DNAH6: variants seen among roughly 807,000 people sequenced by gnomAD.
The protein encoded by DNAH6 is axonemal beta dynein heavy chain 6.
DNAH6 carries 340 observed loss-of-function variants against 491.4 expected under a neutral mutation model. The ratio of observed to expected loss-of-function variants is 0.69; its 90% CI spans 0.63 to 0.76. The LOEUF (loss-of-function observed/expected upper bound fraction) is 0.76. Among genes scored for constraint, DNAH6 ranks in the 30% least tolerant of loss-of-function variants. The pLI, the probability that DNAH6 is intolerant of heterozygous loss-of-function variation, is 0.00. For missense variants in DNAH6, 4,443 were observed against 4,972.2 expected, an observed-to-expected ratio of 0.89 and a Z score of 3.20; for synonymous variants, 1,603 against 1,686.1, an observed-to-expected ratio of 0.95 and a Z score of 1.21.
chr2:84,516,841 G>A (rs960800731), intron 1 of DNAH6, among the ~76,000 whole-genome samples: 3 of 152,148 alleles, frequency 2.0e-5, no homozygotes, highest in Non-Finnish European at 4.4e-5. Context: ...TTTAGACCTC[G>A]TGTGGCTAGT....
intron 33 of DNAH6, among the ~76,000 whole-genome samples, chr2:84,647,408 A>G (rs1211116786): frequency 6.6e-6 from 1 of 152,214 alleles, no homozygotes; most frequent in African/African-American, 2.4e-5. Context: ...TTAGAAGATG[A>G]TGCCATATAG....
chr2:84,794,546 A>T (rs886956208), intron 68 of DNAH6, among the ~76,000 whole-genome samples: 1 of 151,248 alleles, frequency 6.6e-6, no homozygotes, highest in Non-Finnish European at 1.5e-5. Flanking sequence ...TCAAAAGAAG[A>T]CATTTATGCA....
chr2:84,619,558 C>A (rs1687202511), intron 23 of DNAH6, 127 bp from the exon 24 acceptor site: 1 of 779,958 alleles, frequency 1.3e-6, no homozygotes, highest in African/African-American at 1.7e-5. Flanking sequence ...AACCCATGAC[C>A]AGTATAATTG....
intron 4 of DNAH6, among the ~76,000 whole-genome samples, chr2:84,542,887 G>A (rs1366806221): frequency 6.6e-6 from 1 of 152,140 alleles, no homozygotes; most frequent in East Asian, 1.9e-4. Flanking sequence ...GCCCGGACAT[G>A]GTGGCTCACG....
chr2:84,460,526 A>G, the DNAH6 span, among the ~76,000 whole-genome samples: 2 of 152,228 alleles, frequency 1.3e-5, no homozygotes, highest in East Asian at 3.8e-4. Context: ...ATGATGACAA[A>G]AAATATAATT....
chr2:84,615,606 A>C (rs1433290676), intron 22 of DNAH6, among the ~76,000 whole-genome samples: 2 of 151,958 alleles, frequency 1.3e-5, no homozygotes, highest in African/African-American at 4.8e-5. Flanking sequence ...AATTGCATTG[A>C]GTTTATAGAT....
chr2:84,599,924 T>C (rs1344204349), intron 18 of DNAH6, among the ~76,000 whole-genome samples: 1 of 152,234 alleles, frequency 6.6e-6, no homozygotes, highest in African/African-American at 2.4e-5. Flanking sequence ...AACATACTTT[T>C]ATGATTTCTG....
At chr2:84,715,855 T>G (rs935454498) in intron 58 of DNAH6, among the ~76,000 whole-genome samples, 1 of 152,132 alleles carries the variant, frequency 6.6e-6, no homozygotes, top group African/African-American at 2.4e-5. Context: ...GATAGACCCT[T>G]AATTCCCCAC....
At chr2:84,535,148 A>C (rs191995252) in intron 4 of DNAH6, among the ~76,000 whole-genome samples, 29 of 152,104 alleles carry the variant, frequency 1.9e-4, no homozygotes, top group Middle Eastern at 3.4e-3. Context: ...AAAATTTTAA[A>C]TCATTTGCTG....
chr2:84,551,234 C>G (rs1021792405), intron 9 of DNAH6, among the ~76,000 whole-genome samples: 2 of 152,134 alleles, frequency 1.3e-5, no homozygotes, highest in Non-Finnish European at 2.9e-5. Context: ...TTCTCTTCTC[C>G]CCTATTCTGA....
At chr2:84,699,528 C>T (rs1695692727) in intron 47 of DNAH6, 66 bp from the exon 48 acceptor site, 1 of 1,419,584 alleles carries the variant, frequency 7.0e-7, no homozygotes, top group Non-Finnish European at 9.5e-7. Flanking sequence ...ATGCATTAGC[C>T]AACACTTATT....
At position 84,745,072 on chromosome 2, in the gene DNAH6, A is replaced by G. The variant is rs1672838321; in HGVS notation, c.10343-8A>G. The G allele has an allele frequency of 6.9e-7, 1 of 1,458,108 alleles. No homozygotes were observed. Among genetic ancestry groups the G allele is most frequent in the Non-Finnish European group, 9.2e-7 (1 of 1,091,510 alleles). 90.3% of individuals were successfully genotyped at this position (1,458,108 alleles called of 1,614,324 possible). ...AATTAAATTATCTTTTTTAAATTGTATTTCCAGGATCTTTTGAGACTTATA... is the reference window on the plus strand; with the variant it reads ...AATTAAATTATCTTTTTTAAATTGTGTTTCCAGGATCTTTTGAGACTTATA... On this transcript the variant is annotated splice_region_variant and splice_polypyrimidine_tract_variant and intron_variant, in intron 62 of 76. Coordinates refer to ENST00000389394, the MANE Select transcript of DNAH6 (RefSeq NM_001370.2).
chr2:84,694,534 T>C, intron 46 of DNAH6, 54 bp downstream of exon 46: 1 of 1,318,382 alleles, frequency 7.6e-7, no homozygotes, highest in Non-Finnish European at 1.1e-6. Flanking sequence ...GGTGTTACAA[T>C]CGGGTGTGTG....
intron 42 of DNAH6, among the ~76,000 whole-genome samples, chr2:84,683,623 A>G (rs1365912511): frequency 1.3e-5 from 2 of 151,788 alleles, no homozygotes; most frequent in African/African-American, 4.8e-5. Context: ...GGGTTTCGCC[A>G]TGTTGGTCAG....
At chr2:84,617,926 A>T (rs149621202) in intron 23 of DNAH6, among the ~76,000 whole-genome samples, 1 of 152,150 alleles carries the variant, frequency 6.6e-6, no homozygotes, top group Non-Finnish European at 1.5e-5. Context: ...CTCCAGCTTT[A>T]ACACTTTCAT....
chr2:84,527,902 C>T (rs982515611), intron 3 of DNAH6, among the ~76,000 whole-genome samples: 3 of 152,136 alleles, frequency 2.0e-5, no homozygotes, highest in Non-Finnish European at 4.4e-5. Flanking sequence ...AATACTCATG[C>T]GTATATTTAC....
At chr2:84,597,291 A>G (rs1386757482) in intron 18 of DNAH6, among the ~76,000 whole-genome samples, 2 of 152,198 alleles carry the variant, frequency 1.3e-5, no homozygotes, top group Admixed American at 6.5e-5. Flanking sequence ...AAGACAAATA[A>G]CCCTTTAAAA....
At chr2:84,644,485 T>C (rs947429550) in intron 33 of DNAH6, among the ~76,000 whole-genome samples, 1 of 152,168 alleles carries the variant, frequency 6.6e-6, no homozygotes, top group African/African-American at 2.4e-5. Flanking sequence ...ACAGTTTTGT[T>C]ATGTAGGTAA....
intron 48 of DNAH6, among the ~76,000 whole-genome samples, chr2:84,700,058 GC>G (rs1266879939): frequency 2.6e-5 from 4 of 152,186 alleles, no homozygotes; most frequent in Non-Finnish European, 5.9e-5. Flanking sequence ...TTTGAGTTTT[GC>G]CCCAAAGGAA....
Sources: gnomAD v4.1 joint callset for allele counts (sites outside exome capture counted in the v4.1 genomes callset) on GRCh38, gnomAD v4.1.1 for gene constraint, MANE v1.5 for transcripts, NCBI Gene and HGNC (gene_info 2026-07-23, HGNC 2026-07-21) for gene names.